RASGRP2: variants seen among roughly 807,000 people sequenced by gnomAD.
RASGRP2 encodes the protein RAS guanyl releasing protein 2, also known as RAS guanyl-releasing protein 2.
Under a neutral mutation model 71.0 loss-of-function variants are expected in RASGRP2, and 44 were observed. The observed-to-expected ratio is 0.62, with a 90% CI of 0.49 to 0.80. The LOEUF is 0.80. RASGRP2 is among the 30% of genes least tolerant of loss of function. The pLI, the probability that RASGRP2 is intolerant of heterozygous loss-of-function variation, is 0.00. For missense variants in RASGRP2, 663 were observed against 813.4 expected (o/e 0.82, Z 2.25); for synonymous variants, 350 against 330.7 (o/e 1.06, Z -0.63).
intron 4 of RASGRP2, 136 bp downstream of exon 4, chr11:64,741,303 G>C (rs1241571751): frequency 1.8e-6 from 2 of 1,126,276 alleles, no homozygotes; most frequent in South Asian, 1.3e-5. Context: ...TGAGCCTGTG[G>C]CAGCACTGCC....
At position 64,744,080 on chromosome 11, in the gene RASGRP2, C is replaced by T. The variant is rs1320893355; in HGVS notation, c.-149G>A. The T allele has an allele frequency of 3.0e-6, 3 of 987,832 alleles. No homozygotes were observed. The African/African-American group carries it at 5.2e-5, about 17-fold the overall frequency. 61.2% of individuals were successfully genotyped at this position (987,832 alleles called of 1,614,324 possible). On this transcript the variant is annotated 5_prime_UTR_variant, in exon 1 of 17. Coordinates refer to ENST00000394432, the MANE Select transcript of RASGRP2 (RefSeq NM_001098671.2). ...GTGCTGTTCACTTGAGCCAGGCCAGCCTTGAGTCCCGCGGCCACACAGGCG... is the reference window on the plus strand; with the variant it reads ...GTGCTGTTCACTTGAGCCAGGCCAGTCTTGAGTCCCGCGGCCACACAGGCG...
rs560989974 is a variant in RASGRP2, at chr11:64,742,604, C to T, written c.73+190G>A. ...CTGGGGAAGGCTAGAGAAGGGAAAC[C>T]TCATCTGTCTGAAGGGCGTGCATCT... On this transcript the variant is annotated intron_variant, in intron 2 of 16. Coordinates refer to ENST00000394432, the MANE Select transcript of RASGRP2 (RefSeq NM_001098671.2). The surrounding 1 kb of genome is among the most constrained non-coding windows in gnomAD (Gnocchi z 4.7). 382 of 767,812 alleles carry T rather than the reference C, an allele frequency of 5.0e-4. 2 individuals are homozygous for T. The highest frequency in any genetic ancestry group is 4.2e-4 in the Non-Finnish European group (199 of 472,766). The allele number at this position is 767,812 out of a possible 1,614,324, so 47.6% of individuals were successfully genotyped here. A position where few individuals can be genotyped will look rare whatever the true frequency, so the allele number is the denominator to read the frequency against.
At chr11:64,727,506 A>ATTTTTTT (rs34854951) in intron 15 of RASGRP2, 146 bp from the exon 16 acceptor site, 36 of 323,802 alleles carry the variant, frequency 1.1e-4, no homozygotes, top group South Asian at 9.0e-4. Context: ...TCACAGCCCA[A>ATTTTTTT]TTTTTTTTTT....
At position 64,727,362 on chromosome 11, in the gene RASGRP2, T is replaced by TGCTGGGAGGGGGATTGCTGCA; in HGVS notation, c.1772-23_1772-3dup. 1 of 1,612,236 alleles carries TGCTGGGAGGGGGATTGCTGCA rather than the reference T, an allele frequency of 6.2e-7. No homozygotes were observed. Among genetic ancestry groups the TGCTGGGAGGGGGATTGCTGCA allele is most frequent in the Middle Eastern group, 1.7e-4 (1 of 6,056 alleles). On this transcript the variant is annotated splice_polypyrimidine_tract_variant and splice_region_variant and intron_variant, in intron 15 of 16. Transcript: ENST00000394432. ...TCTGTACCTCCTCCTCACGGATCTCTGCTGGGAGGGGGATTGCTGCAGAAC... is the reference window on the plus strand; with the variant it reads ...TCTGTACCTCCTCCTCACGGATCTCTGCTGGGAGGGGGATTGCTGCAGCTGGGAGGGGGATTGCTGCAGAAC...
At position 64,735,957 on chromosome 11, in the gene RASGRP2, C is replaced by T. The variant is rs746833917; in HGVS notation, c.1119G>A (p.Thr373=). The T allele has an allele frequency of 9.3e-6, 15 of 1,614,010 alleles. No homozygotes were observed. The South Asian group carries it at 1.2e-4, about 13-fold the overall frequency. Residue 373 remains threonine, a synonymous_variant, in exon 10 of 17, where the codon ACG becomes ACA. Transcript: ENST00000394432. This position sits in a 1 kb window ranked among gnomAD's most constrained non-coding sequence, Gnocchi z 4.2. ...LLTVSLDQYQ[T]EDELYQLSLQ... ...GGGACAGCTGGTACAGCTCATCCTC[C>T]GTCTGATACTGATCCAGAGACACCT... is the stretch of plus-strand genomic sequence containing the variant.
chr11:64,730,968 TC>T (rs2057746383), intron 12 of RASGRP2, among the ~76,000 whole-genome samples: 1 of 152,224 alleles, frequency 6.6e-6, no homozygotes, highest in Non-Finnish European at 1.5e-5. Context: ...GGACTGGCCC[TC>T]GCTTGAGACT....
At position 64,742,681 on chromosome 11, in the gene RASGRP2, G is replaced by A. The variant is rs1215712899; in HGVS notation, c.73+113C>T. 8 of 1,392,468 alleles carry A rather than the reference G, an allele frequency of 5.7e-6. No individual in the cohort carries two copies. Among genetic ancestry groups the A allele is most frequent in the Middle Eastern group, 2.1e-4 (1 of 4,658 alleles). The allele number at this position is 1,392,468 out of a possible 1,614,324, so 86.3% of individuals were successfully genotyped here. Reference sequence around the variant, plus strand: ...TTCGTTAAAGAGACTGCACGCTGCGGAGCAGGGTGGGTCCGGGTCAGGGCT... The same window carrying A: ...TTCGTTAAAGAGACTGCACGCTGCGAAGCAGGGTGGGTCCGGGTCAGGGCT... On this transcript the variant is annotated intron_variant, in intron 2 of 16. Coordinates refer to ENST00000394432, the MANE Select transcript of RASGRP2 (RefSeq NM_001098671.2). This position sits in a 1 kb window ranked among gnomAD's most constrained non-coding sequence, Gnocchi z 4.7.
chr11:64,743,287 C>T lies in RASGRP2; in HGVS notation c.-71-350G>A, dbSNP rs762895827. 6.4e-6 allele frequency: 3 copies of T among 467,804 alleles called. No individual in the cohort carries two copies. Among genetic ancestry groups the T allele is most frequent in the Non-Finnish European group, 1.3e-5 (3 of 235,488 alleles). The allele number at this position is 467,804 out of a possible 1,614,324, so 29.0% of individuals were successfully genotyped here. A position where few individuals can be genotyped will look rare whatever the true frequency, so the allele number is the denominator to read the frequency against. On this transcript the variant is annotated intron_variant, in intron 1 of 16. Coordinates refer to ENST00000394432, the MANE Select transcript of RASGRP2 (RefSeq NM_001098671.2). The surrounding 1 kb of genome is among the most constrained non-coding windows in gnomAD (Gnocchi z 4.9). ...GCACCTGCAGCACCCCGCAGCTCGG[C>T]TCTGCGCCCCTCCCGCTTCCCTCCC... is the stretch of plus-strand genomic sequence containing the variant.
rs145541826 is a variant in RASGRP2 at position 64,741,066 on chromosome 11, C to T, written c.253G>A (p.Ala85Thr). 14 of 1,612,956 alleles carry T rather than the reference C, an allele frequency of 8.7e-6. No homozygotes were observed. The East Asian group carries it at 8.9e-5, about 10-fold the overall frequency. ...TCHLVRYWIS[A>T]FPAEFDLNPE... ...TTCAAGTCAAACTCCGCTGGGAAGG[C>T]GGAGATCCAGTACCTGGAGGAGCGG... Residue 85 changes from alanine (A) to threonine (T), a missense_variant, in exon 5 of 17, where the codon GCC becomes ACC. Transcript: ENST00000394432.
intron 5 of RASGRP2, chr11:64,740,508 G>A (rs1172491295): frequency 4.8e-6 from 3 of 628,346 alleles, no homozygotes; most frequent in Admixed American, 2.1e-5. Flanking sequence ...ATGTACAGAG[G>A]TCTTTGTACA....
At chr11:64,732,796 CAAA>C (rs1413303622) in intron 12 of RASGRP2, among the ~76,000 whole-genome samples, 3 of 144,166 alleles carry the variant, frequency 2.1e-5, no homozygotes, top group Non-Finnish European at 4.6e-5. Flanking sequence ...AAAAAAAATA[CAAA>C]ATTAGCCAGG....
Position 64,736,738 on chromosome 11 carries a change from C to T in RASGRP2, c.1095+15G>A. 3 of 1,566,684 alleles carry T rather than the reference C, an allele frequency of 1.9e-6. No individual in the cohort carries two copies. The highest frequency in any genetic ancestry group is 2.6e-6 in the Non-Finnish European group (3 of 1,156,440). ...TGGTGCCCAGCTCCCCACCTCCCTGCCCCCTGCTCCTCACCGTGAGCAGGC... is the reference window on the plus strand; with the variant it reads ...TGGTGCCCAGCTCCCCACCTCCCTGTCCCCTGCTCCTCACCGTGAGCAGGC... On this transcript the variant is annotated intron_variant, in intron 9 of 16. Transcript: ENST00000394432.
chr11:64,735,837 C>A lies in RASGRP2; in HGVS notation c.1173+66G>T. ...GTGAGGTGGCTGCTAAGAGCTCTTC[C>A]CATCCTCACATCCTGGGATTCTCAG... On this transcript the variant is annotated intron_variant, in intron 10 of 16. Transcript: ENST00000394432. This position sits in a 1 kb window ranked among gnomAD's most constrained non-coding sequence, Gnocchi z 4.2. The A allele has an allele frequency of 6.5e-7, 1 of 1,541,516 alleles. No individual in the cohort carries two copies.
intron 8 of RASGRP2, among the ~76,000 whole-genome samples, chr11:64,737,684 AAAAAAAAAAAAGAAAG>A (rs2057989049): frequency 6.6e-6 from 1 of 151,170 alleles, no homozygotes; most frequent in Admixed American, 6.6e-5. Flanking sequence ...ATCTCAAAAA[AAAAAAAAAAAAGAAAG>A]AAAAAGAAAG....
Position 64,743,068 on chromosome 11 carries a change from G to C in RASGRP2, c.-71-131C>G. The C allele has an allele frequency of 9.7e-7, 1 of 1,032,424 alleles. No homozygotes were observed. Among genetic ancestry groups the C allele is most frequent in the Non-Finnish European group, 1.4e-6 (1 of 689,974 alleles). 64.0% of individuals were successfully genotyped at this position (1,032,424 alleles called of 1,614,324 possible). On this transcript the variant is annotated intron_variant, in intron 1 of 16. Coordinates refer to ENST00000394432, the MANE Select transcript of RASGRP2 (RefSeq NM_001098671.2). This position sits in a 1 kb window ranked among gnomAD's most constrained non-coding sequence, Gnocchi z 4.9. ...GGAGTTGTCCCCCGCGGCCACTCCC[G>C]GGGTTAAACGGTCTGGCCCGGGATG...
Position 64,730,078 on chromosome 11 carries a change from A to ACGGGGC in RASGRP2, c.1523_1528dup (p.Pro509_Val510insGlyPro). 6.5e-7 allele frequency: 1 copy of ACGGGGC among 1,550,154 alleles called. No homozygotes were observed. Among genetic ancestry groups the ACGGGGC allele is most frequent in the Non-Finnish European group, 8.7e-7 (1 of 1,147,428 alleles). ...CAGGGCTTTGCAGTGGCGGCAGGCG[A>ACGGGGC]CGGGGCGCAAGGAGTTGCTCTCCTG... On this transcript the variant is annotated inframe_insertion, in exon 13 of 17. Coordinates refer to ENST00000394432, the MANE Select transcript of RASGRP2 (RefSeq NM_001098671.2).
chr11:64,729,705 C>CAAAA, intron 14 of RASGRP2, 57 bp downstream of exon 14: 2 of 1,586,798 alleles, frequency 1.3e-6, no homozygotes, highest in Non-Finnish European at 8.6e-7. Flanking sequence ...CTCTCCCAAA[C>CAAAA]AAACAAACAA....
intron 8 of RASGRP2, 101 bp from the exon 9 acceptor site, chr11:64,737,135 G>A: frequency 6.2e-6 from 9 of 1,454,088 alleles, no homozygotes; most frequent in Non-Finnish European, 8.5e-6. Flanking sequence ...GTCAGGGACA[G>A]GTGAAAGAGT....
chr11:64,742,498 C>A lies in RASGRP2; in HGVS notation c.73+296G>T, dbSNP rs1449074230. 6 of 574,622 alleles carry A rather than the reference C, an allele frequency of 1.0e-5. No homozygotes were observed. Among genetic ancestry groups the A allele is most frequent in the East Asian group, 2.9e-5 (1 of 34,074 alleles). The allele number at this position is 574,622 out of a possible 1,614,324, so 35.6% of individuals were successfully genotyped here. ...GAAACAGCTCCCAGGCCGGAGATAG[C>A]GAGTTCCTCCGGATTCCCCGGGAGA... On this transcript the variant is annotated intron_variant, in intron 2 of 16. Coordinates refer to ENST00000394432, the MANE Select transcript of RASGRP2 (RefSeq NM_001098671.2). This position sits in a 1 kb window ranked among gnomAD's most constrained non-coding sequence, Gnocchi z 4.7.
Sources: allele counts gnomAD v4.1 joint callset (sites outside exome capture counted in the v4.1 genomes callset), GRCh38; gene constraint gnomAD v4.1.1; non-coding constraint Gnocchi (gnomAD v3.1); transcripts MANE v1.5; gene names NCBI Gene and HGNC (gene_info 2026-07-23, HGNC 2026-07-21).